Variants in RFX2 observed in about 807,000 individuals in gnomAD.
RFX2 encodes the protein regulatory factor X2, also known as DNA-binding protein RFX2.
RFX2 carries 20 observed loss-of-function variants against 87.8 expected under a neutral mutation model. That is an observed-to-expected ratio of 0.23 (90% CI 0.16 to 0.33). The LOEUF (loss-of-function observed/expected upper bound fraction) is 0.33, where lower values mean the gene tolerates loss of function less well. Among genes scored for constraint, RFX2 ranks in the 10% least tolerant of loss-of-function variants. The pLI, the probability that RFX2 is intolerant of heterozygous loss-of-function variation, is 1.00. For synonymous variants in RFX2, 397 were observed against 431.3 expected (o/e 0.92, Z 0.98); for missense variants, 767 against 1,012.3 (o/e 0.76, Z 3.29).
rs1481843772 is a variant in RFX2, at chr19:6,020,386, C to G, written c.598-4115G>C. On this transcript the variant is annotated intron_variant, in intron 6 of 17. Coordinates refer to ENST00000303657, the MANE Select transcript of RFX2 (RefSeq NM_000635.4). The surrounding 1 kb of genome is among the most constrained non-coding windows in gnomAD (Gnocchi z 5.3). ...ACAGCAAGTCCTTCTTGCTCAACAT[C>G]AAGAAACCACAGAGAAGACTGAAGC... The G allele has an allele frequency of 6.6e-6, 1 of 152,228 alleles. No individual in the cohort carries two copies. Among genetic ancestry groups the G allele is most frequent in the African/African-American group, 2.4e-5 (1 of 41,454 alleles). The allele number at this position is 152,228 out of a possible 1,614,324, so 9.4% of individuals were successfully genotyped here. A position where few individuals can be genotyped will look rare whatever the true frequency, so the allele number is the denominator to read the frequency against.
At chr19:6,075,011 A>G (rs2087669483) in intron 1 of RFX2, among the ~76,000 whole-genome samples, 1 of 152,012 alleles carries the variant, frequency 6.6e-6, no homozygotes, top group Admixed American at 6.6e-5. Context: ...CCCTTATGGA[A>G]GGGACCCCAG....
In RFX2 at chr19:6,056,011, TAGTG is replaced by T. The variant is rs1425367934; in HGVS notation, c.-8-8511_-8-8508del. ...AACTAAAGTTAAAAAAAAATCATAA[TAGTG>T]GGTGGGGGGGCAGGTGGCGGTGGGC... On this transcript the variant is annotated intron_variant, in intron 1 of 17. Transcript: ENST00000303657. The surrounding 1 kb of genome is among the most constrained non-coding windows in gnomAD (Gnocchi z 4.6). Among the ~76,000 whole-genome samples, 3 of 149,928 alleles carry T rather than the reference TAGTG, an allele frequency of 2.0e-5. No individual in the cohort carries two copies. The highest frequency in any genetic ancestry group is 4.9e-5 in the African/African-American group (2 of 40,548).
At chr19:6,036,903 A>C (rs1466183294) in intron 5 of RFX2, among the ~76,000 whole-genome samples, 2 of 152,334 alleles carry the variant, frequency 1.3e-5, no homozygotes, top group East Asian at 3.9e-4. Flanking sequence ...AAAGGCAAGA[A>C]AAAGAAATGA....
intron 17 of RFX2, 116 bp downstream of exon 17, chr19:5,995,485 C>A: frequency 9.5e-7 from 1 of 1,057,784 alleles, no homozygotes; most frequent in Middle Eastern, 2.0e-4. Context: ...GGCCCTCACC[C>A]CCCAAGGGGC....
intron 1 of RFX2, among the ~76,000 whole-genome samples, chr19:6,106,627 C>A (rs1358199294): frequency 1.3e-5 from 2 of 151,990 alleles, no homozygotes; most frequent in East Asian, 3.8e-4. Flanking sequence ...CAGAGACAGG[C>A]CCACAGACTC....
intron 1 of RFX2, among the ~76,000 whole-genome samples, chr19:6,060,310 C>T (rs924359913): frequency 8.5e-5 from 13 of 152,114 alleles, no homozygotes; most frequent in African/African-American, 3.1e-4. Context: ...TGAGACAGAC[C>T]CCAGCAGAAG....
intron 1 of RFX2, among the ~76,000 whole-genome samples, chr19:6,076,103 G>A (rs2144846884): frequency 6.6e-6 from 1 of 152,274 alleles, no homozygotes; most frequent in South Asian, 2.1e-4. Flanking sequence ...ATTTTGGGAG[G>A]CCAAGGTGGG....
At chr19:6,051,152 A>G (rs1210029193) in intron 1 of RFX2, among the ~76,000 whole-genome samples, 2 of 152,248 alleles carry the variant, frequency 1.3e-5, no homozygotes, top group Non-Finnish European at 2.9e-5. Flanking sequence ...GTTCTTCAGA[A>G]TGAAAGGAAT....
chr19:6,034,750 G>A (rs995246060), intron 5 of RFX2, among the ~76,000 whole-genome samples: 1 of 152,194 alleles, frequency 6.6e-6, no homozygotes, highest in Non-Finnish European at 1.5e-5. Flanking sequence ...CTGTGCCACT[G>A]CGTGGAGGTG....
chr19:6,067,254 GA>G (rs1208640339), intron 1 of RFX2, among the ~76,000 whole-genome samples: 2 of 152,152 alleles, frequency 1.3e-5, no homozygotes, highest in African/African-American at 4.8e-5. Flanking sequence ...AAGCTATTTG[GA>G]AAAAAGTGTG....
chr19:6,077,888 G>A (rs1235090635), intron 1 of RFX2, among the ~76,000 whole-genome samples: 1 of 151,218 alleles, frequency 6.6e-6, no homozygotes, highest in African/African-American at 2.4e-5. Context: ...GCTGAGGCAG[G>A]AGAATCGCTT....
At chr19:6,070,209 G>A (rs373619286) in intron 1 of RFX2, among the ~76,000 whole-genome samples, 1 of 8,292 alleles carries the variant, frequency 1.2e-4, no homozygotes, top group Non-Finnish European at 4.3e-4. Context: ...TGGATGGGAT[G>A]GGATGGGATG....
rs776115900 is a variant in RFX2 at position 6,040,050 on chromosome 19, T to A, written c.452A>T (p.Tyr151Phe). Residue 151 changes from tyrosine to phenylalanine, a missense_variant, in exon 5 of 18, where the codon TAT (tyrosine) becomes TTT (phenylalanine). By Grantham distance (22) the Tyr-to-Phe change is conservative. Coordinates refer to ENST00000303657, the MANE Select transcript of RFX2 (RefSeq NM_000635.4). This position sits in a 1 kb window ranked among gnomAD's most constrained non-coding sequence, Gnocchi z 6.1. ...GCTGTCCATCCCCCCGTGGATGAGA[T>A]AGGCTCCCGCGCTGGAGACGATGGG... The part of the protein sequence containing the change: ...GSPIVSSAGA[Y>F]LIHGGMDSTR... 6.8e-6 allele frequency: 11 copies of A among 1,611,306 alleles called. No individual in the cohort carries two copies. The highest frequency in any genetic ancestry group is 3.4e-4 in the Middle Eastern group (2 of 5,968).
rs1006612130 is a variant in RFX2, at chr19:6,013,856, G to A, written c.780-751C>T. ...TGTCATAGAGAGTCCTCTCTCACAG[G>A]CTAGTATAATAAAGGCTCGGACAAG... is the stretch of plus-strand genomic sequence containing the variant. On this transcript the variant is annotated intron_variant, in intron 7 of 17. Coordinates refer to ENST00000303657, the MANE Select transcript of RFX2 (RefSeq NM_000635.4). This position sits in a 1 kb window ranked among gnomAD's most constrained non-coding sequence, Gnocchi z 4.1. Among the ~76,000 whole-genome samples, 1 of 152,194 alleles carries A rather than the reference G, an allele frequency of 6.6e-6. No individual in the cohort carries two copies. Among genetic ancestry groups the A allele is most frequent in the South Asian group, 2.1e-4 (1 of 4,824 alleles).
rs1454460620 is a variant in RFX2 at position 6,011,576 on chromosome 19, ACTGC to A, written c.900-1329_900-1326del. Among the ~76,000 whole-genome samples, 1 of 152,188 alleles carries A rather than the reference ACTGC, an allele frequency of 6.6e-6. No homozygotes were observed. The highest frequency in any genetic ancestry group is 1.5e-5 in the Non-Finnish European group (1 of 68,038). On this transcript the variant is annotated intron_variant, in intron 8 of 17. Transcript: ENST00000303657. This position sits in a 1 kb window ranked among gnomAD's most constrained non-coding sequence, Gnocchi z 4.8. Reference sequence around the variant, plus strand: ...TGTGTCGCTGCTCCTAAAATGACACACTGCCTGGAGCACAGGTTCACAGCTGTCT... The same window carrying A: ...TGTGTCGCTGCTCCTAAAATGACACACTGGAGCACAGGTTCACAGCTGTCT...
chr19:6,088,782 G>GCTT lies in RFX2; in HGVS notation c.-9+21610_-9+21611insAAG, dbSNP rs1317714029. ...AGCCAAGTAATGTGCGTTAGACCAGGGGGTGGCAAGCTTTTTTTGTAAAAT... is the reference window on the plus strand; with the variant it reads ...AGCCAAGTAATGTGCGTTAGACCAGGCTTGGGTGGCAAGCTTTTTTTGTAAAAT... On this transcript the variant is annotated intron_variant, in intron 1 of 17. Transcript: ENST00000303657. Among the ~76,000 whole-genome samples the GCTT allele has an allele frequency of 3.3e-5, 5 of 152,274 alleles. No homozygotes were observed. In the East Asian group the frequency reaches 9.6e-4, roughly 29 times the overall value.
Position 6,044,960 on chromosome 19 carries a change from C to A in RFX2, c.91-678G>T, listed in dbSNP as rs1260562204. ...TTTTTCTGGGAGTACCGATTGGCCACACAAAGCTATCAAAATGGGAAGGGT... is the reference window on the plus strand; with the variant it reads ...TTTTTCTGGGAGTACCGATTGGCCAAACAAAGCTATCAAAATGGGAAGGGT... On this transcript the variant is annotated intron_variant, in intron 2 of 17. Coordinates refer to ENST00000303657, the MANE Select transcript of RFX2 (RefSeq NM_000635.4). This position sits in a 1 kb window ranked among gnomAD's most constrained non-coding sequence, Gnocchi z 5.3. Among the ~76,000 whole-genome samples the A allele has an allele frequency of 6.6e-6, 1 of 152,156 alleles. No individual in the cohort carries two copies. The highest frequency in any genetic ancestry group is 1.5e-5 in the Non-Finnish European group (1 of 68,022).
At chr19:6,057,820 C>T (rs1344172811) in intron 1 of RFX2, among the ~76,000 whole-genome samples, 1 of 152,178 alleles carries the variant, frequency 6.6e-6, no homozygotes, top group African/African-American at 2.4e-5. Context: ...CTTAACACTC[C>T]CAGTGTCATT....
At chr19:6,075,250 G>T (rs941042737) in intron 1 of RFX2, among the ~76,000 whole-genome samples, 1 of 152,088 alleles carries the variant, frequency 6.6e-6, no homozygotes, top group Non-Finnish European at 1.5e-5. Flanking sequence ...GGAGGAAGAG[G>T]AGAAAGAAGA....
Sources: gnomAD v4.1 joint callset for allele counts (sites outside exome capture counted in the v4.1 genomes callset) on GRCh38, gnomAD v4.1.1 for gene constraint, Gnocchi (gnomAD v3.1) non-coding constraint, MANE v1.5 for transcripts, NCBI Gene and HGNC (gene_info 2026-07-23, HGNC 2026-07-21) for gene names.